MMD: variants seen among roughly 807,000 people sequenced by gnomAD.
The protein encoded by MMD is monocyte to macrophage differentiation factor.
In MMD, 22 loss-of-function variants were observed where a neutral mutation model predicts 33.6. That is an observed-to-expected ratio of 0.66 (90% CI 0.47 to 0.94). The LOEUF is 0.94. Among genes scored for constraint, MMD ranks in the 40% least tolerant of loss-of-function variants. MMD has a pLI of 0.00. For synonymous variants in MMD, 97 were observed against 103.2 expected (o/e 0.94, Z 0.36); for missense variants, 242 against 309.8 (o/e 0.78, Z 1.64).
In MMD at chr17:55,404,444, G is replaced by A. The variant is rs879370750; in HGVS notation, c.345-576C>T. 1.2e-5 allele frequency: 12 copies of A among 982,732 alleles called. No homozygotes were observed. The South Asian group carries it at 1.4e-4, about 12-fold the overall frequency. The allele number at this position is 982,732 out of a possible 1,614,324, so 60.9% of individuals were successfully genotyped here. A position where few individuals can be genotyped will look rare whatever the true frequency, so the allele number is the denominator to read the frequency against. On this transcript the variant is annotated intron_variant, in intron 4 of 6. Coordinates refer to ENST00000262065, the MANE Select transcript of MMD (RefSeq NM_012329.3). ...AAGGGAGTCCCAGCACTCTTATGAC[G>A]CCTAACTTACCCTATTAGGCAGAAT...
intron 6 of MMD, among the ~76,000 whole-genome samples, chr17:55,395,901 G>A (rs986564336): frequency 5.9e-5 from 9 of 152,126 alleles, no homozygotes; most frequent in Admixed American, 1.3e-4. Flanking sequence ...CATCAGATTC[G>A]CAAAGGGGCA....
intron 6 of MMD, among the ~76,000 whole-genome samples, chr17:55,401,139 C>A (rs1001756903): frequency 6.6e-6 from 1 of 152,104 alleles, no homozygotes. Context: ...TGCAAGCTTA[C>A]GAGTTGCTGG....
At chr17:55,397,082 T>C (rs1048234398) in intron 6 of MMD, among the ~76,000 whole-genome samples, 1 of 152,214 alleles carries the variant, frequency 6.6e-6, no homozygotes, top group Non-Finnish European at 1.5e-5. Context: ...GAAACCCCCA[T>C]GTTATCTTGT....
At chr17:55,404,728 T>G in intron 4 of MMD, 1 of 985,316 alleles carries the variant, frequency 1.0e-6, no homozygotes. Flanking sequence ...GTTTGAATTT[T>G]AAAATGCTGC....
intron 4 of MMD, among the ~76,000 whole-genome samples, chr17:55,406,988 G>A (rs978983830): frequency 5.9e-5 from 9 of 151,896 alleles, no homozygotes; most frequent in Admixed American, 2.0e-4. Flanking sequence ...CTGAGATCAC[G>A]CCACTGCATT....
chr17:55,403,529 C>T (rs535518530), intron 5 of MMD, among the ~76,000 whole-genome samples: 1 of 152,328 alleles, frequency 6.6e-6, no homozygotes, highest in South Asian at 2.1e-4. Context: ...TCCAAAGGGG[C>T]TGGTTACCAT....
At chr17:55,410,234 G>A (rs1329682205) in intron 3 of MMD, among the ~76,000 whole-genome samples, 1 of 152,106 alleles carries the variant, frequency 6.6e-6, no homozygotes. Context: ...TAAAACTCTA[G>A]GATTCTGCAT....
chr17:55,402,785 T>C (rs963211301), intron 5 of MMD, among the ~76,000 whole-genome samples: 3 of 152,228 alleles, frequency 2.0e-5, no homozygotes, highest in East Asian at 1.9e-4. Context: ...GACTTAAATA[T>C]GCTATAATAT....
At chr17:55,398,111 C>CAAAAAAAAA (rs57881926) in intron 6 of MMD, among the ~76,000 whole-genome samples, 3 of 132,152 alleles carry the variant, frequency 2.3e-5, no homozygotes, top group African/African-American at 8.4e-5. Flanking sequence ...ATTATTTCTT[C>CAAAAAAAAA]AAAAAAAAAA....
chr17:55,395,117 C>T (rs988751592), intron 6 of MMD, among the ~76,000 whole-genome samples: 3 of 152,186 alleles, frequency 2.0e-5, no homozygotes, highest in Non-Finnish European at 4.4e-5. Context: ...TATTTCCTAG[C>T]CTTCTAGATG....
intron 1 of MMD, among the ~76,000 whole-genome samples, chr17:55,417,324 C>T (rs1908002780): frequency 6.6e-6 from 1 of 152,136 alleles, no homozygotes; most frequent in South Asian, 2.1e-4. Flanking sequence ...TACAAAAATA[C>T]AAAAATTAGC....
chr17:55,404,247 C>A (rs138303413), intron 4 of MMD, among the ~76,000 whole-genome samples: 79 of 151,864 alleles, frequency 5.2e-4, no homozygotes, highest in African/African-American at 1.9e-3. Context: ...CCAAGTTGCT[C>A]GGGAGGCTGA....
chr17:55,400,389 A>C (rs552728364), intron 6 of MMD, among the ~76,000 whole-genome samples: 3 of 152,048 alleles, frequency 2.0e-5, no homozygotes, highest in Non-Finnish European at 4.4e-5. Context: ...CTCTACTAAA[A>C]ATACAAAAAA....
At chr17:55,404,400 G>T in intron 4 of MMD, 1 of 897,820 alleles carries the variant, frequency 1.1e-6, no homozygotes. Flanking sequence ...AATAGAACCA[G>T]CTAAAAGCAG....
chr17:55,402,667 C>T (rs1907394158), intron 5 of MMD, among the ~76,000 whole-genome samples: 1 of 152,132 alleles, frequency 6.6e-6, no homozygotes, highest in African/African-American at 2.4e-5. Context: ...GTTTTGTTTA[C>T]ACCAGAAGGC....
Position 55,421,788 on chromosome 17 carries a change from G to T in MMD, c.-93C>A. 7.2e-7 allele frequency: 1 copy of T among 1,397,386 alleles called. No homozygotes were observed. The highest frequency in any genetic ancestry group is 9.5e-7 in the Non-Finnish European group (1 of 1,050,154). The allele number at this position is 1,397,386 out of a possible 1,614,324, so 86.6% of individuals were successfully genotyped here. A position where few individuals can be genotyped will look rare whatever the true frequency, so the allele number is the denominator to read the frequency against. ...CCTCATGGGCTTGGGCTGCTCCGGA[G>T]GCCGCCTGCGTGTCCAGCGGAACCC... On this transcript the variant is annotated 5_prime_UTR_variant, in exon 1 of 7. Coordinates refer to ENST00000262065, the MANE Select transcript of MMD (RefSeq NM_012329.3).
At chr17:55,407,270 A>G (rs1343191114) in intron 4 of MMD, among the ~76,000 whole-genome samples, 1 of 151,944 alleles carries the variant, frequency 6.6e-6, no homozygotes, top group East Asian at 1.9e-4. Context: ...CAGAGGTTGC[A>G]GTGAGCCGAG....
At position 55,393,800 on chromosome 17, in the gene MMD, G is replaced by A. The variant is rs1175850621; in HGVS notation, c.*534C>T. 6.6e-6 allele frequency: 1 copy of A among 152,576 alleles called. No homozygotes were observed. Among genetic ancestry groups the A allele is most frequent in the Admixed American group, 6.5e-5 (1 of 15,272 alleles). The allele number at this position is 152,576 out of a possible 1,614,324, so 9.5% of individuals were successfully genotyped here. A position where few individuals can be genotyped will look rare whatever the true frequency, so the allele number is the denominator to read the frequency against. On this transcript the variant is annotated 3_prime_UTR_variant, in exon 7 of 7. Transcript: ENST00000262065. ...AAATTTACAACATGAATGAGGACCT[G>A]CAGAGATGCATATCAATGAAATATT...
At chr17:55,403,715 ATAT>A in intron 5 of MMD, 49 bp downstream of exon 5, 1 of 1,340,836 alleles carries the variant, frequency 7.5e-7, no homozygotes, top group African/African-American at 1.5e-5. Context: ...AGTGCAGATA[ATAT>A]TTAGGCAGTC....
Sources: allele counts gnomAD v4.1 joint callset (sites outside exome capture counted in the v4.1 genomes callset), GRCh38; gene constraint gnomAD v4.1.1; transcripts MANE v1.5; gene names NCBI Gene and HGNC (gene_info 2026-07-23, HGNC 2026-07-21).